LAMB4: variants seen among roughly 807,000 people sequenced by gnomAD.
LAMB4 encodes laminin subunit beta 4, also known as laminin subunit beta-4.
A neutral mutation model predicts 199.2 loss-of-function variants in LAMB4; 196 were observed. That is an observed-to-expected ratio of 0.98 (90% CI 0.88 to 1.11). The LOEUF (loss-of-function observed/expected upper bound fraction) is 1.11. Ranked by LOEUF, LAMB4 falls within the 50% of genes least tolerant of loss-of-function variation. LAMB4 has a pLI of 0.00. For missense variants in LAMB4, 2,080 were observed against 2,171.2 expected (o/e 0.96, Z 0.83); for synonymous variants, 744 against 770.6 (o/e 0.97, Z 0.57).
chr7:108,122,538 G>T (rs2038637250), intron 2 of LAMB4, among the ~76,000 whole-genome samples: 1 of 152,232 alleles, frequency 6.6e-6, no homozygotes, highest in Non-Finnish European at 1.5e-5. Flanking sequence ...TTGTCATGAA[G>T]AAATTCAGCA....
At chr7:108,077,380 GATCTCAAAAA>G (rs1389551799) in intron 16 of LAMB4, among the ~76,000 whole-genome samples, 1 of 151,958 alleles carries the variant, frequency 6.6e-6, no homozygotes, top group African/African-American at 2.4e-5. Context: ...ACATCAACAG[GATCTCAAAAA>G]ATCTCAAAAA....
At chr7:108,066,305 T>C in intron 20 of LAMB4, 64 bp downstream of exon 20, 1 of 1,185,206 alleles carries the variant, frequency 8.4e-7, no homozygotes, top group Non-Finnish European at 1.2e-6. Flanking sequence ...TCAATGGATC[T>C]CTATTAGGAG....
At chr7:108,050,761 T>C (rs1156708561) in intron 26 of LAMB4, among the ~76,000 whole-genome samples, 2 of 152,186 alleles carry the variant, frequency 1.3e-5, no homozygotes, top group African/African-American at 4.8e-5. Flanking sequence ...TTGGAATTAG[T>C]TTCTTCTTTC....
At chr7:108,109,763 G>A (rs1447768970) in intron 4 of LAMB4, among the ~76,000 whole-genome samples, 1 of 152,134 alleles carries the variant, frequency 6.6e-6, no homozygotes, top group Non-Finnish European at 1.5e-5. Flanking sequence ...TGAGGCGGTG[G>A]TAGAGGTAGC....
At position 108,088,312 on chromosome 7, in the gene LAMB4, G is replaced by A. The variant is rs1002829708; in HGVS notation, c.1701+3314C>T. 2.6e-5 allele frequency among the ~76,000 whole-genome samples: 4 copies of A among 152,104 alleles called. No homozygotes were observed. The East Asian group carries it at 5.8e-4, about 22-fold the overall frequency. ...CAAGTAGCTGGGACTACAGGCGTGT[G>A]CCACCACGCCCAGCTAATTTTTGTA... On this transcript the variant is annotated intron_variant, in intron 14 of 33. Coordinates refer to ENST00000388781, the MANE Select transcript of LAMB4 (RefSeq NM_007356.3).
At chr7:108,122,420 C>A (rs2038632958) in intron 2 of LAMB4, among the ~76,000 whole-genome samples, 1 of 152,126 alleles carries the variant, frequency 6.6e-6, no homozygotes, top group African/African-American at 2.4e-5. Flanking sequence ...CAACAGAGAA[C>A]AAATGAGTGC....
intron 27 of LAMB4, 150 bp downstream of exon 27, chr7:108,049,174 CAT>C (rs113801161): frequency 2.0e-4 from 42 of 214,264 alleles, no homozygotes; most frequent in African/African-American, 6.3e-4. Context: ...TATAATAAAA[CAT>C]ATATATTTTA....
intron 15 of LAMB4, among the ~76,000 whole-genome samples, chr7:108,078,827 A>T (rs1055562817): frequency 2.0e-5 from 3 of 152,244 alleles, no homozygotes; most frequent in African/African-American, 7.2e-5. Flanking sequence ...ACTGAGCCAA[A>T]GTTCACTGAA....
the LAMB4 span, among the ~76,000 whole-genome samples, chr7:108,016,677 T>C: frequency 6.6e-6 from 1 of 152,338 alleles, no homozygotes; most frequent in African/African-American, 2.4e-5. Flanking sequence ...CTAGTGTCTC[T>C]AAAAATTAAC....
intron 10 of LAMB4, among the ~76,000 whole-genome samples, chr7:108,101,586 C>T (rs1033489549): frequency 6.6e-6 from 1 of 152,106 alleles, no homozygotes; most frequent in African/African-American, 2.4e-5. Context: ...CTAACTTGTT[C>T]GTCGGCAAGT....
Position 108,107,754 on chromosome 7 carries a change from G to A in LAMB4, c.468C>T (p.Phe156=). ...TGGCACAGTCTTTTGCAAAATATTT[G>A]AACACTTTCCAGTTGTGTCCATAGT... ...STDYGHNWKV[F]KYFAKDCATS... The change falls in exon 6 of 34, where the codon TTC becomes TTT. Residue 156 remains phenylalanine (F), a synonymous_variant. Coordinates refer to ENST00000388781, the MANE Select transcript of LAMB4 (RefSeq NM_007356.3). 3.1e-6 allele frequency: 5 copies of A among 1,613,794 alleles called. No homozygotes were observed. The highest frequency in any genetic ancestry group is 4.2e-6 in the Non-Finnish European group (5 of 1,179,912).
intron 4 of LAMB4, among the ~76,000 whole-genome samples, chr7:108,111,019 T>A (rs2038204832): frequency 6.6e-6 from 1 of 152,170 alleles, no homozygotes; most frequent in African/African-American, 2.4e-5. Flanking sequence ...GGAATTATAG[T>A]CCAAAGTGCA....
At chr7:108,104,680 T>C in intron 8 of LAMB4, 61 bp from the exon 9 acceptor site, 1 of 1,578,644 alleles carries the variant, frequency 6.3e-7, no homozygotes. Flanking sequence ...GTTGGGGTTC[T>C]TTAAATGGGA....
chr7:108,056,388 C>T (rs1349867008), intron 24 of LAMB4, among the ~76,000 whole-genome samples: 2 of 152,130 alleles, frequency 1.3e-5, no homozygotes, highest in Non-Finnish European at 2.9e-5. Context: ...CTAAGAAGTC[C>T]CATGGTCACA....
intron 27 of LAMB4, 45 bp from the exon 28 acceptor site, chr7:108,048,156 AGC>A: frequency 3.3e-6 from 2 of 614,142 alleles, no homozygotes; most frequent in Non-Finnish European, 5.4e-6. Flanking sequence ...TTGTTGTCAG[AGC>A]TTTTTTTTTT....
intron 23 of LAMB4, 48 bp downstream of exon 23, chr7:108,062,726 A>C (rs534259134): frequency 7.5e-6 from 8 of 1,071,926 alleles, no homozygotes; most frequent in Admixed American, 6.7e-5. Context: ...ACCATGTCTC[A>C]CTATCATGCT....
chr7:108,082,647 A>C (rs943953156), intron 14 of LAMB4, among the ~76,000 whole-genome samples: 9 of 152,228 alleles, frequency 5.9e-5, no homozygotes, highest in Admixed American at 1.3e-4. Flanking sequence ...TTGAATATAT[A>C]TAATGGAATG....
In LAMB4 at chr7:108,123,147, G is replaced by A. The variant is rs1202814638; in HGVS notation, c.18C>T (p.Thr6=). MQFQL[T]LFLHLGWLSY... is the part of the protein sequence containing the mutation. Reference sequence around the variant, plus strand: ...AATACTCACCAAGGTGCAAAAAAAGGGTCAGTTGAAATTGCATTCTTTTGT... The same window carrying A: ...AATACTCACCAAGGTGCAAAAAAAGAGTCAGTTGAAATTGCATTCTTTTGT... The change falls in exon 2 of 34, where the codon ACC becomes ACT. Residue 6 remains threonine, a synonymous_variant. Coordinates refer to ENST00000388781, the MANE Select transcript of LAMB4 (RefSeq NM_007356.3). 1.2e-6 allele frequency: 2 copies of A among 1,610,610 alleles called. No individual in the cohort carries two copies. Among genetic ancestry groups the A allele is most frequent in the Non-Finnish European group, 1.7e-6 (2 of 1,179,072 alleles).
the LAMB4 span, among the ~76,000 whole-genome samples, chr7:108,018,040 G>A: frequency 6.6e-6 from 1 of 152,234 alleles, no homozygotes; most frequent in African/African-American, 2.4e-5. Flanking sequence ...AGGGCATAGA[G>A]GACAATTTTA....
Sources: gnomAD v4.1 joint callset for allele counts (sites outside exome capture counted in the v4.1 genomes callset) on GRCh38, gnomAD v4.1.1 for gene constraint, MANE v1.5 for transcripts, NCBI Gene and HGNC (gene_info 2026-07-23, HGNC 2026-07-21) for gene names.